The following TOX variants were observed in gnomAD, a reference collection of about 807,000 sequenced individuals.
TOX encodes thymocyte selection associated high mobility group box.
Under a neutral mutation model 53.7 loss-of-function variants are expected in TOX, and 11 were observed. That is an observed-to-expected ratio of 0.20 (90% CI 0.13 to 0.34). TOX has a LOEUF of 0.34. Ranked by LOEUF, TOX falls within the 10% of genes least tolerant of loss-of-function variation. The pLI, the probability that TOX is intolerant of heterozygous loss-of-function variation, is 1.00. For synonymous variants in TOX, 225 were observed against 245.3 expected, an observed-to-expected ratio of 0.92 and a Z score of 0.77; for missense variants, 570 against 664.6, an observed-to-expected ratio of 0.86 and a Z score of 1.56.
intron 2 of TOX, among the ~76,000 whole-genome samples, chr8:58,943,945 A>G (rs1239918364): frequency 6.6e-6 from 1 of 152,234 alleles, no homozygotes; most frequent in Non-Finnish European, 1.5e-5. Flanking sequence ...TTTATCTTGA[A>G]TCTTCACCAT....
chr8:58,835,970 T>G (rs1247544463), intron 5 of TOX, among the ~76,000 whole-genome samples: 1 of 152,162 alleles, frequency 6.6e-6, no homozygotes, highest in Non-Finnish European at 1.5e-5. Flanking sequence ...ATCATGTGTC[T>G]TCAGATGAAC....
At chr8:58,929,799 A>T (rs950442518) in intron 3 of TOX, among the ~76,000 whole-genome samples, 1 of 152,196 alleles carries the variant, frequency 6.6e-6, no homozygotes, top group African/African-American at 2.4e-5. Flanking sequence ...CAAATGTTTA[A>T]TAGACATCAA....
chr8:59,014,152 C>A (rs2129418938), intron 1 of TOX, among the ~76,000 whole-genome samples: 1 of 152,302 alleles, frequency 6.6e-6, no homozygotes, highest in South Asian at 2.1e-4. Context: ...ACATATAAAA[C>A]TATTATCAGT....
intron 7 of TOX, among the ~76,000 whole-genome samples, chr8:58,814,794 G>C (rs1585839436): frequency 6.6e-6 from 1 of 152,222 alleles, no homozygotes; most frequent in African/African-American, 2.4e-5. Context: ...GCAGAAGCCA[G>C]ATATCCATTT....
At chr8:59,035,919 A>G (rs143362177) in intron 1 of TOX, among the ~76,000 whole-genome samples, 94 of 152,320 alleles carry the variant, frequency 6.2e-4, no homozygotes, top group South Asian at 1.2e-3. Context: ...TGACAGCACT[A>G]TGAGGTGGTT....
chr8:58,983,685 C>T (rs1244051024), intron 1 of TOX, among the ~76,000 whole-genome samples: 2 of 152,190 alleles, frequency 1.3e-5, no homozygotes, highest in African/African-American at 4.8e-5. Flanking sequence ...TTTCTCAGTG[C>T]CCCTTTATTC....
At chr8:59,107,846 T>G (rs892991130) in intron 1 of TOX, among the ~76,000 whole-genome samples, 10 of 152,202 alleles carry the variant, frequency 6.6e-5, no homozygotes, top group African/African-American at 2.4e-4. Context: ...AGGTTGTAGC[T>G]GATGAGCCAT....
chr8:58,863,849 T>C (rs1157622238), intron 3 of TOX, among the ~76,000 whole-genome samples: 1 of 152,148 alleles, frequency 6.6e-6, no homozygotes, highest in Non-Finnish European at 1.5e-5. Flanking sequence ...AGACATACTA[T>C]AATACAAGTC....
intron 1 of TOX, among the ~76,000 whole-genome samples, chr8:59,020,366 G>A (rs1480900373): frequency 6.6e-6 from 1 of 152,170 alleles, no homozygotes; most frequent in East Asian, 1.9e-4. Context: ...CCCACCCGCT[G>A]TGAGGACTTC....
chr8:58,940,764 C>T (rs943377190), intron 2 of TOX, among the ~76,000 whole-genome samples: 18 of 152,142 alleles, frequency 1.2e-4, no homozygotes, highest in African/African-American at 3.4e-4. Flanking sequence ...AGCCAATAAG[C>T]GTCATGCTCC....
intron 1 of TOX, among the ~76,000 whole-genome samples, chr8:58,977,758 T>A (rs1175482048): frequency 2.0e-5 from 3 of 152,132 alleles, no homozygotes; most frequent in African/African-American, 4.8e-5. Flanking sequence ...GGCCAGTCAG[T>A]GCAGTGGTCA....
At chr8:58,899,803 A>G (rs1811704448) in intron 3 of TOX, among the ~76,000 whole-genome samples, 1 of 152,204 alleles carries the variant, frequency 6.6e-6, no homozygotes, top group African/African-American at 2.4e-5. Context: ...AACTGTAGTT[A>G]AAGGAATAAT....
At chr8:58,834,727 G>T (rs551920065) in intron 5 of TOX, among the ~76,000 whole-genome samples, 41 of 152,280 alleles carry the variant, frequency 2.7e-4, no homozygotes, top group Admixed American at 2.2e-3. Context: ...GGTGCAATGT[G>T]CTCCCTTTTG....
At chr8:58,974,923 G>C (rs932363831) in intron 1 of TOX, among the ~76,000 whole-genome samples, 23 of 151,806 alleles carry the variant, frequency 1.5e-4, no homozygotes, top group African/African-American at 5.1e-4. Flanking sequence ...ACGGTTCTTA[G>C]GACAAGTGAG....
chr8:58,835,642 T>A (rs1585851333), intron 5 of TOX, among the ~76,000 whole-genome samples: 1 of 152,308 alleles, frequency 6.6e-6, no homozygotes, highest in Non-Finnish European at 1.5e-5. Context: ...TTCTTTTCCA[T>A]CAGAAACATG....
intron 1 of TOX, among the ~76,000 whole-genome samples, chr8:59,018,386 G>T (rs1364740293): frequency 1.3e-5 from 2 of 152,146 alleles, no homozygotes; most frequent in Non-Finnish European, 2.9e-5. Context: ...TGGCAGTTGG[G>T]CTTAGCAACA....
intron 1 of TOX, among the ~76,000 whole-genome samples, chr8:59,110,155 T>C (rs1301429058): frequency 6.6e-6 from 1 of 152,166 alleles, no homozygotes; most frequent in Non-Finnish European, 1.5e-5. Flanking sequence ...AACAGTCTTT[T>C]ATGCCCTGGC....
At chr8:58,831,461 GT>G (rs1398066101) in intron 5 of TOX, among the ~76,000 whole-genome samples, 1 of 152,168 alleles carries the variant, frequency 6.6e-6, no homozygotes, top group Non-Finnish European at 1.5e-5. Flanking sequence ...CAATAAAAAT[GT>G]TGCATTGGCA....
At chr8:58,984,312 C>T (rs776919629) in intron 1 of TOX, among the ~76,000 whole-genome samples, 8 of 152,088 alleles carry the variant, frequency 5.3e-5, no homozygotes, top group Non-Finnish European at 7.4e-5. Context: ...GCCAACAAAT[C>T]AACAACAAAA....
Sources: gnomAD v4.1 joint callset for allele counts (sites outside exome capture counted in the v4.1 genomes callset) on GRCh38, gnomAD v4.1.1 for gene constraint, MANE v1.5 for transcripts, NCBI Gene and HGNC (gene_info 2026-07-23, HGNC 2026-07-21) for gene names.